The following PPP2R5E variants were observed in gnomAD, a reference collection of about 807,000 sequenced individuals.
The protein encoded by PPP2R5E is protein phosphatase 2 regulatory subunit B'epsilon.
A neutral mutation model predicts 65.3 loss-of-function variants in PPP2R5E; 4 were observed. The observed-to-expected ratio is 0.06, with a 90% confidence interval of 0.03 to 0.14. The LOEUF (loss-of-function observed/expected upper bound fraction) is 0.14, where lower values mean the gene tolerates loss of function less well. Among genes scored for constraint, PPP2R5E ranks in the 10% least tolerant of loss-of-function variants. The probability of loss-of-function intolerance (pLI) is 1.00; values close to 1 mark genes in which losing one functional copy is unlikely to be tolerated. For missense variants in PPP2R5E, 274 were observed against 556.1 expected, an observed-to-expected ratio of 0.49 and a Z score of 5.10; for synonymous variants, 183 against 187.4, an observed-to-expected ratio of 0.98 and a Z score of 0.19.
chr14:63,407,872 G>A (rs1886178672), intron 5 of PPP2R5E, among the ~76,000 whole-genome samples: 1 of 152,150 alleles, frequency 6.6e-6, no homozygotes, highest in South Asian at 2.1e-4. Flanking sequence ...CCATGTGAGG[G>A]CACACCCAGT....
intron 5 of PPP2R5E, among the ~76,000 whole-genome samples, chr14:63,413,070 C>T (rs1451143945): frequency 6.6e-6 from 1 of 152,168 alleles, no homozygotes; most frequent in African/African-American, 2.4e-5. Flanking sequence ...CTTTTCTTCA[C>T]TGAAAAAGGG....
At chr14:63,493,640 A>G (rs187745365) in intron 2 of PPP2R5E, among the ~76,000 whole-genome samples, 1 of 137,578 alleles carries the variant, frequency 7.3e-6, no homozygotes, top group Admixed American at 6.8e-5. Flanking sequence ...ACTGTACTCA[A>G]GCTGTTAGTT....
chr14:63,407,989 T>C (rs1026171566), intron 5 of PPP2R5E, among the ~76,000 whole-genome samples: 2 of 152,228 alleles, frequency 1.3e-5, no homozygotes, highest in African/African-American at 4.8e-5. Flanking sequence ...CTGAGGCATT[T>C]TGTTAAAGCA....
intron 2 of PPP2R5E, among the ~76,000 whole-genome samples, chr14:63,491,354 G>A (rs774449807): frequency 4.0e-5 from 6 of 151,708 alleles, no homozygotes; most frequent in Non-Finnish European, 5.9e-5. Flanking sequence ...AAACCTGTAC[G>A]TGGACTCCCT....
At chr14:63,505,658 T>C (rs1892125968) in intron 2 of PPP2R5E, among the ~76,000 whole-genome samples, 2 of 152,154 alleles carry the variant, frequency 1.3e-5, no homozygotes, top group Admixed American at 1.3e-4. Flanking sequence ...AGCTGGTTCA[T>C]AAAAATTGAA....
At chr14:63,401,056 C>T (rs1410175914) in intron 5 of PPP2R5E, among the ~76,000 whole-genome samples, 1 of 152,070 alleles carries the variant, frequency 6.6e-6, no homozygotes. Context: ...AAATGCATTG[C>T]CGAGTGCCTA....
At chr14:63,438,168 C>T (rs1191873558) in intron 3 of PPP2R5E, among the ~76,000 whole-genome samples, 9 of 152,220 alleles carry the variant, frequency 5.9e-5, no homozygotes, top group African/African-American at 1.9e-4. Flanking sequence ...TTGCCTCAGG[C>T]ACTCCTGTCT....
chr14:63,499,977 G>T (rs148794228), intron 2 of PPP2R5E, among the ~76,000 whole-genome samples: 90 of 152,238 alleles, frequency 5.9e-4, no homozygotes, highest in African/African-American at 2.1e-3. Context: ...ATCTGGATTT[G>T]ACTCATTATT....
intron 2 of PPP2R5E, among the ~76,000 whole-genome samples, chr14:63,461,399 C>T (rs1212033437): frequency 4.0e-5 from 6 of 151,244 alleles, no homozygotes; most frequent in Non-Finnish European, 7.4e-5. Context: ...AAAAACATAG[C>T]CACCATTTAT....
intron 2 of PPP2R5E, among the ~76,000 whole-genome samples, chr14:63,518,344 G>C (rs1243660145): frequency 6.6e-6 from 1 of 151,978 alleles, no homozygotes; most frequent in Non-Finnish European, 1.5e-5. Context: ...TGGGTTCAAG[G>C]GATCCTCCTG....
chr14:63,433,032 G>GTTTT (rs747571866), intron 3 of PPP2R5E, among the ~76,000 whole-genome samples: 119 of 96,454 alleles, frequency 1.2e-3, no homozygotes, highest in Non-Finnish European at 1.4e-3. Context: ...GTTTTGTTTT[G>GTTTT]TTTTTTTTTT....
chr14:63,503,110 A>T (rs1323318850), intron 2 of PPP2R5E, among the ~76,000 whole-genome samples: 2 of 152,212 alleles, frequency 1.3e-5, no homozygotes, highest in African/African-American at 4.8e-5. Context: ...GACCATAAAT[A>T]AAAAATTACA....
rs188959050 is a variant in PPP2R5E at position 63,477,430 on chromosome 14, A to T, written c.158-23545T>A. Reference sequence around the variant, plus strand: ...ATGTGGTTTACAGAAATTATTTCACAACATCACACATTACAAATGGAGAAT... The same window carrying T: ...ATGTGGTTTACAGAAATTATTTCACTACATCACACATTACAAATGGAGAAT... On this transcript the variant is annotated intron_variant, in intron 2 of 13. Coordinates refer to ENST00000337537, the MANE Select transcript of PPP2R5E (RefSeq NM_006246.5). 3.3e-5 allele frequency among the ~76,000 whole-genome samples: 5 copies of T among 152,248 alleles called. No homozygotes were observed. In the East Asian group the frequency reaches 9.7e-4, roughly 29 times the overall value.
chr14:63,443,183 T>C (rs1372355718), intron 3 of PPP2R5E, among the ~76,000 whole-genome samples: 3 of 151,902 alleles, frequency 2.0e-5, no homozygotes, highest in Non-Finnish European at 4.4e-5. Context: ...ACAAAGCTAA[T>C]AGTGGCCAAG....
chr14:63,453,948 G>A (rs1888989334), intron 2 of PPP2R5E, 63 bp from the exon 3 acceptor site: 1 of 1,277,092 alleles, frequency 7.8e-7, no homozygotes, highest in East Asian at 2.6e-5. Flanking sequence ...GGAATTCTCT[G>A]TGAAAGTTAC....
At chr14:63,385,156 G>A (rs895307558) in intron 11 of PPP2R5E, among the ~76,000 whole-genome samples, 7 of 152,056 alleles carry the variant, frequency 4.6e-5, no homozygotes, top group East Asian at 2.0e-4. Context: ...GGGAGACCTC[G>A]CCTCTACAAA....
chr14:63,379,826 C>CTCTCTCTTTTTTTTTTTTTTTTTT (rs528081976), intron 13 of PPP2R5E, among the ~76,000 whole-genome samples: 1 of 100,300 alleles, frequency 1.0e-5, no homozygotes, highest in Admixed American at 1.0e-4. Context: ...TATTCTCTCT[C>CTCTCTCTTTTTTTTTTTTTTTTTT]TTTTTTTTTT....
At chr14:63,395,344 T>G (rs1885262346) in intron 6 of PPP2R5E, 59 bp from the exon 7 acceptor site, 56 of 1,048,788 alleles carry the variant, frequency 5.3e-5, no homozygotes, top group African/African-American at 2.5e-4. Flanking sequence ...AAGGAAGGGA[T>G]AAAAAGAGGA....
At chr14:63,415,035 G>T in intron 5 of PPP2R5E, 105 bp downstream of exon 5, 2 of 615,050 alleles carry the variant, frequency 3.3e-6, no homozygotes, top group East Asian at 3.1e-5. Flanking sequence ...ATATTTTGTG[G>T]GTGATATAAC....
Sources: gnomAD v4.1 joint callset for allele counts (sites outside exome capture counted in the v4.1 genomes callset) on GRCh38, gnomAD v4.1.1 for gene constraint, MANE v1.5 for transcripts, NCBI Gene and HGNC (gene_info 2026-07-23, HGNC 2026-07-21) for gene names.